The following ARHGAP20 variants were observed in gnomAD, a reference collection of about 807,000 sequenced individuals.
ARHGAP20 encodes Rho GTPase activating protein 20.
A neutral mutation model predicts 73.7 loss-of-function variants in ARHGAP20; 34 were observed. The ratio of observed to expected loss-of-function variants is 0.46; its 90% confidence interval spans 0.35 to 0.61. The LOEUF (loss-of-function observed/expected upper bound fraction) is 0.61. ARHGAP20 is among the 20% of genes least tolerant of loss of function. The probability of loss-of-function intolerance (pLI) is 0.00; values close to 1 mark genes in which losing one functional copy is unlikely to be tolerated. For missense variants in ARHGAP20, 1,314 were observed against 1,420.9 expected (o/e 0.92, Z 1.21); for synonymous variants, 523 against 518.2 (o/e 1.01, Z -0.13).
chr11:110,701,034 A>G (rs1242076217), intron 1 of ARHGAP20, among the ~76,000 whole-genome samples: 5 of 151,228 alleles, frequency 3.3e-5, no homozygotes, highest in African/African-American at 4.9e-5. Context: ...ATTGTGAATA[A>G]TGCCACAATA....
In ARHGAP20 at chr11:110,586,212, T is replaced by G; in HGVS notation, c.1415+4A>C. The G allele has an allele frequency of 7.2e-7, 1 of 1,383,290 alleles. No individual in the cohort carries two copies. Among genetic ancestry groups the G allele is most frequent in the Non-Finnish European group, 9.6e-7 (1 of 1,041,504 alleles). 85.7% of individuals were successfully genotyped at this position (1,383,290 alleles called of 1,614,324 possible). A position where few individuals can be genotyped will look rare whatever the true frequency, so the allele number is the denominator to read the frequency against. On this transcript the variant is annotated splice_donor_region_variant and intron_variant, in intron 12 of 14. Coordinates refer to ENST00000683387, the MANE Select transcript of ARHGAP20 (RefSeq NM_001384657.1). ...TTGAGACATGACCAAATTAGAATAA[T>G]TACCTTTGAACAGTATTTATTTTCT...
intron 2 of ARHGAP20, among the ~76,000 whole-genome samples, chr11:110,651,977 C>T (rs2135016929): frequency 6.6e-6 from 1 of 152,118 alleles, no homozygotes; most frequent in South Asian, 2.1e-4. Context: ...AACATCGATG[C>T]AAGAATCTTC....
chr11:110,691,076 G>C, intron 1 of ARHGAP20: 1 of 1,278,896 alleles, frequency 7.8e-7, no homozygotes, highest in East Asian at 2.6e-5. Flanking sequence ...GGAAAAAACA[G>C]TTAAAGCAAA....
intron 2 of ARHGAP20, among the ~76,000 whole-genome samples, chr11:110,665,184 C>G (rs1460013561): frequency 1.3e-5 from 2 of 152,032 alleles, no homozygotes. Flanking sequence ...TTCACATATC[C>G]AATTTTATGA....
chr11:110,687,087 GACACAC>G (rs71057024), intron 2 of ARHGAP20, among the ~76,000 whole-genome samples: 3 of 136,728 alleles, frequency 2.2e-5, no homozygotes, highest in African/African-American at 8.5e-5. Context: ...CATATATATA[GACACAC>G]ACACACACAC....
intron 1 of ARHGAP20, among the ~76,000 whole-genome samples, chr11:110,698,424 A>G (rs2135134631): frequency 6.6e-6 from 1 of 151,868 alleles, no homozygotes; most frequent in Non-Finnish European, 1.5e-5. Flanking sequence ...TCAGGGAGAT[A>G]CTGGTTTCAT....
chr11:110,677,006 A>T (rs942657048), intron 2 of ARHGAP20, among the ~76,000 whole-genome samples: 1 of 152,158 alleles, frequency 6.6e-6, no homozygotes, highest in African/African-American at 2.4e-5. Flanking sequence ...TCCAAAAACA[A>T]AGTTAGACTT....
chr11:110,679,388 T>C (rs1949994159), intron 2 of ARHGAP20, among the ~76,000 whole-genome samples: 1 of 152,196 alleles, frequency 6.6e-6, no homozygotes, highest in Non-Finnish European at 1.5e-5. Context: ...CGGGAATCAC[T>C]GGATGCCATT....
intron 2 of ARHGAP20, among the ~76,000 whole-genome samples, chr11:110,636,539 G>A (rs1948971878): frequency 6.6e-6 from 1 of 152,064 alleles, no homozygotes; most frequent in Non-Finnish European, 1.5e-5. Context: ...TGGTGCTGGT[G>A]TCCGGGAGAA....
chr11:110,641,031 T>C (rs997807799), intron 2 of ARHGAP20, among the ~76,000 whole-genome samples: 8 of 152,002 alleles, frequency 5.3e-5, no homozygotes, highest in African/African-American at 1.4e-4. Context: ...CTTGGTAAGA[T>C]AGGTGGACAA....
rs1565426565 is a variant in ARHGAP20, at chr11:110,592,082, G to A, written c.1038C>T (p.His346=). ...NWAFWRGSST[H]LDNLPSSPTS... ...TTGGCGATGAGGGCAAGTTGTCCAGGTGAGTGCTAGAACCTCGCCAGAAGG... is the reference window on the plus strand; with the variant it reads ...TTGGCGATGAGGGCAAGTTGTCCAGATGAGTGCTAGAACCTCGCCAGAAGG... Residue 346 remains histidine, a synonymous_variant, in exon 10 of 15, where the codon CAC becomes CAT. Transcript: ENST00000683387. 1.9e-6 allele frequency: 3 copies of A among 1,614,154 alleles called. No homozygotes were observed. The highest frequency in any genetic ancestry group is 1.3e-5 in the African/African-American group (1 of 75,050).
At chr11:110,687,680 A>C (rs1012506288) in intron 2 of ARHGAP20, among the ~76,000 whole-genome samples, 1 of 152,190 alleles carries the variant, frequency 6.6e-6, no homozygotes, top group Non-Finnish European at 1.5e-5. Flanking sequence ...TTATATCCTG[A>C]AATGAAATTC....
rs1025816307 is a variant in ARHGAP20, at chr11:110,712,300, G to C, written c.-69C>G. The C allele has an allele frequency of 1.7e-6, 2 of 1,210,518 alleles. No homozygotes were observed. Among genetic ancestry groups the C allele is most frequent in the Non-Finnish European group, 2.1e-6 (2 of 951,210 alleles). 75.0% of individuals were successfully genotyped at this position (1,210,518 alleles called of 1,614,324 possible). Reference sequence around the variant, plus strand: ...CGATCATGTCCGCGGGCTGCCGGCCGGAGGGGCGAGGACGCGCGGGCGGAG... The same window carrying C: ...CGATCATGTCCGCGGGCTGCCGGCCCGAGGGGCGAGGACGCGCGGGCGGAG... On this transcript the variant is annotated 5_prime_UTR_variant, in exon 1 of 15. Coordinates refer to ENST00000683387, the MANE Select transcript of ARHGAP20 (RefSeq NM_001384657.1).
At chr11:110,616,383 A>G (rs1948482561) in intron 4 of ARHGAP20, among the ~76,000 whole-genome samples, 1 of 152,034 alleles carries the variant, frequency 6.6e-6, no homozygotes. Context: ...TCTCTCTCAT[A>G]TTTTTAAAGA....
At chr11:110,678,504 C>T (rs992399917) in intron 2 of ARHGAP20, among the ~76,000 whole-genome samples, 3 of 152,108 alleles carry the variant, frequency 2.0e-5, no homozygotes, top group Non-Finnish European at 4.4e-5. Context: ...ATCTTTCCAC[C>T]TCTAGCTGTA....
At chr11:110,613,930 T>C (rs1363247367) in intron 6 of ARHGAP20, among the ~76,000 whole-genome samples, 1 of 152,166 alleles carries the variant, frequency 6.6e-6, no homozygotes, top group Non-Finnish European at 1.5e-5. Flanking sequence ...ATTGATAACA[T>C]TTATCTCTTG....
intron 2 of ARHGAP20, among the ~76,000 whole-genome samples, chr11:110,634,489 C>A (rs1482987645): frequency 6.6e-6 from 1 of 152,068 alleles, no homozygotes; most frequent in Non-Finnish European, 1.5e-5. Context: ...TTAAAAAATT[C>A]TATGTAGTCT....
Position 110,583,716 on chromosome 11 carries a change from T to C in ARHGAP20, c.1437A>G (p.Arg479=), listed in dbSNP as rs1947537329. ...GATACCTTAGGAGAACAACATTGGC[T>C]CTCGGAAGCTGGTCTAATAGCCTAA... ...TVQRLLDQLP[R]ANVVLLRYLF... The change falls in exon 13 of 15, where the codon AGA becomes AGG. Residue 479 remains arginine, a synonymous_variant. Transcript: ENST00000683387. 6.3e-7 allele frequency: 1 copy of C among 1,584,364 alleles called. No homozygotes were observed. The highest frequency in any genetic ancestry group is 8.6e-7 in the Non-Finnish European group (1 of 1,160,598).
chr11:110,614,155 C>T (rs1948432160), intron 6 of ARHGAP20, among the ~76,000 whole-genome samples: 1 of 151,712 alleles, frequency 6.6e-6, no homozygotes, highest in Non-Finnish European at 1.5e-5. Flanking sequence ...TTAAGAGTGA[C>T]AAGTTGGGAA....
Sources: allele counts gnomAD v4.1 joint callset (sites outside exome capture counted in the v4.1 genomes callset), GRCh38; gene constraint gnomAD v4.1.1; transcripts MANE v1.5; gene names NCBI Gene and HGNC (gene_info 2026-07-23, HGNC 2026-07-21).